The following SNX29 variants were observed in gnomAD, a reference collection of about 807,000 sequenced individuals.
The protein encoded by SNX29 is sorting nexin-29.
Under a neutral mutation model 102.1 loss-of-function variants are expected in SNX29, and 78 were observed. The observed-to-expected ratio is 0.76, with a 90% CI of 0.64 to 0.92. The LOEUF (loss-of-function observed/expected upper bound fraction) is 0.92. Ranked by LOEUF, SNX29 falls within the 40% of genes least tolerant of loss-of-function variation. The pLI is 0.00. For missense variants in SNX29, 1,280 were observed against 1,061.7 expected (o/e 1.21, Z -2.86); for synonymous variants, 580 against 414.5 (o/e 1.40, Z -4.85).
At chr16:12,495,462 G>T (rs1441996299) in intron 19 of SNX29, among the ~76,000 whole-genome samples, 1 of 152,150 alleles carries the variant, frequency 6.6e-6, no homozygotes, top group Non-Finnish European at 1.5e-5. Context: ...CTGGAATTCT[G>T]TCTCCTGGAA....
chr16:12,077,014 C>T (rs1234973414), intron 10 of SNX29, among the ~76,000 whole-genome samples: 1 of 152,198 alleles, frequency 6.6e-6, no homozygotes, highest in Non-Finnish European at 1.5e-5. Context: ...TGGCCCATGC[C>T]TGTAATCTCA....
At chr16:12,191,964 G>T (rs1282754904) in intron 13 of SNX29, among the ~76,000 whole-genome samples, 2 of 152,210 alleles carry the variant, frequency 1.3e-5, no homozygotes, top group Non-Finnish European at 2.9e-5. Context: ...CCCTCGAGCT[G>T]TGCTTTTTTA....
chr16:12,335,462 C>T (rs1397597212), intron 15 of SNX29, among the ~76,000 whole-genome samples: 1 of 152,042 alleles, frequency 6.6e-6, no homozygotes, highest in African/African-American at 2.4e-5. Flanking sequence ...GTCAAGAGTT[C>T]AAGACCAGCC....
chr16:12,552,376 G>A (rs1175155885), intron 20 of SNX29, among the ~76,000 whole-genome samples: 1 of 152,206 alleles, frequency 6.6e-6, no homozygotes, highest in Non-Finnish European at 1.5e-5. Flanking sequence ...GTGTAAGACA[G>A]CAAGCATGGT....
At chr16:12,139,072 T>C (rs1215893157) in intron 13 of SNX29, among the ~76,000 whole-genome samples, 1 of 151,776 alleles carries the variant, frequency 6.6e-6, no homozygotes, top group East Asian at 1.9e-4. Flanking sequence ...TGTTGTGGTG[T>C]GTACCTGTAA....
At chr16:12,558,738 A>C (rs188919985) in intron 20 of SNX29, among the ~76,000 whole-genome samples, 1 of 152,208 alleles carries the variant, frequency 6.6e-6, no homozygotes, top group Admixed American at 6.5e-5. Context: ...CCTCACCACT[A>C]GGCTGTCCCA....
chr16:12,145,052 G>C (rs2055009498), intron 13 of SNX29, among the ~76,000 whole-genome samples: 1 of 152,186 alleles, frequency 6.6e-6, no homozygotes, highest in Non-Finnish European at 1.5e-5. Flanking sequence ...CTGCCTCTGA[G>C]CTTTCAACGT....
chr16:12,072,205 T>C (rs2051332286), intron 10 of SNX29, among the ~76,000 whole-genome samples: 2 of 152,172 alleles, frequency 1.3e-5, no homozygotes, highest in Non-Finnish European at 1.5e-5. Flanking sequence ...CAACACTATG[T>C]TGAATAGGAG....
At chr16:12,041,660 T>A (rs2049884693) in intron 4 of SNX29, among the ~76,000 whole-genome samples, 4 of 152,142 alleles carry the variant, frequency 2.6e-5, no homozygotes, top group Admixed American at 2.6e-4. Flanking sequence ...AGTCTTTGCT[T>A]CTCTGGCCAC....
chr16:12,076,391 C>T (rs2051572953), intron 10 of SNX29, among the ~76,000 whole-genome samples: 1 of 151,844 alleles, frequency 6.6e-6, no homozygotes, highest in African/African-American at 2.4e-5. Context: ...ACATCCGCCT[C>T]CTGGGTTCAA....
intron 18 of SNX29, among the ~76,000 whole-genome samples, chr16:12,437,623 C>A (rs571173925): frequency 3.9e-5 from 6 of 152,178 alleles, no homozygotes; most frequent in African/African-American, 1.4e-4. Context: ...CCCTCTTGAC[C>A]CTGGCTCCTT....
intron 20 of SNX29, among the ~76,000 whole-genome samples, chr16:12,554,898 G>C (rs528232313): frequency 6.6e-6 from 1 of 152,176 alleles, no homozygotes; most frequent in Non-Finnish European, 1.5e-5. Flanking sequence ...ATACAGGACA[G>C]GCAGTGCAGG....
chr16:12,531,912 A>G (rs1245269120), intron 20 of SNX29, among the ~76,000 whole-genome samples: 2 of 152,216 alleles, frequency 1.3e-5, no homozygotes, highest in South Asian at 2.1e-4. Flanking sequence ...TCACGTCACA[A>G]GAAAAACCAG....
At chr16:12,149,548 A>C (rs933697047) in intron 13 of SNX29, among the ~76,000 whole-genome samples, 3 of 152,176 alleles carry the variant, frequency 2.0e-5, no homozygotes, top group African/African-American at 7.2e-5. Flanking sequence ...CCCTATAGTG[A>C]TTAACAAATG....
At chr16:12,340,942 C>T (rs1446222949) in intron 15 of SNX29, among the ~76,000 whole-genome samples, 1 of 152,190 alleles carries the variant, frequency 6.6e-6, no homozygotes, top group Non-Finnish European at 1.5e-5. Flanking sequence ...CCTCTATTTA[C>T]TTCACCATGA....
At chr16:12,196,806 A>T (rs1405801254) in intron 13 of SNX29, among the ~76,000 whole-genome samples, 2 of 151,842 alleles carry the variant, frequency 1.3e-5, no homozygotes, top group African/African-American at 4.8e-5. Context: ...TTTTCAGTAG[A>T]GACAGGGTTT....
At chr16:12,380,382 A>ACCCACCCACCCATCATCTACCCC (rs2083035823) in intron 16 of SNX29, among the ~76,000 whole-genome samples, 3 of 54,608 alleles carry the variant, frequency 5.5e-5, no homozygotes, top group Non-Finnish European at 1.0e-4. Flanking sequence ...TTATCCACCC[A>ACCCACCCACCCATCATCTACCCC]CCCACCCACC....
At chr16:12,526,668 A>G (rs8063373) in intron 20 of SNX29, 11,323 of 511,322 alleles carry the variant, frequency 0.022, 176 homozygotes, top group Middle Eastern at 0.047. Context: ...CGGAGTCATC[A>G]CGCATCGACT....
intron 20 of SNX29, among the ~76,000 whole-genome samples, chr16:12,567,349 A>G (rs1272669567): frequency 6.6e-6 from 1 of 152,130 alleles, no homozygotes; most frequent in Non-Finnish European, 1.5e-5. Flanking sequence ...GGATCCTGTT[A>G]GGTTTTTGCC....
Sources: gnomAD v4.1 joint callset for allele counts (sites outside exome capture counted in the v4.1 genomes callset) on GRCh38, gnomAD v4.1.1 for gene constraint, MANE v1.5 for transcripts, NCBI Gene and HGNC (gene_info 2026-07-23, HGNC 2026-07-21) for gene names.